ZNF714: variants seen among roughly 807,000 people sequenced by gnomAD.
ZNF714 encodes zinc finger protein 714.
ZNF714 carries 32 observed loss-of-function variants against 46.2 expected under a neutral mutation model. The ratio of observed to expected loss-of-function variants is 0.69; its 90% CI spans 0.52 to 0.93. The LOEUF (loss-of-function observed/expected upper bound fraction) is 0.93, where lower values mean the gene tolerates loss of function less well. Ranked by LOEUF, ZNF714 falls within the 40% of genes least tolerant of loss-of-function variation. ZNF714 has a pLI of 0.00. For missense variants in ZNF714, 635 were observed against 646.3 expected (o/e 0.98, Z 0.19); for synonymous variants, 199 against 213.1 (o/e 0.93, Z 0.58).
intron 2 of ZNF714, among the ~76,000 whole-genome samples, chr19:21,096,674 A>G (rs1345093549): frequency 6.6e-6 from 1 of 152,118 alleles, no homozygotes; most frequent in East Asian, 1.9e-4. Context: ...TGCCATATTA[A>G]AAGTGTTCCT....
intron 4 of ZNF714, among the ~76,000 whole-genome samples, chr19:21,103,677 A>G (rs1969241199): frequency 6.6e-6 from 1 of 152,162 alleles, no homozygotes; most frequent in Non-Finnish European, 1.5e-5. Flanking sequence ...TGGGAGGCCA[A>G]GACAGGAGTA....
At chr19:21,109,430 A>G (rs1969396017) in intron 4 of ZNF714, among the ~76,000 whole-genome samples, 2 of 152,096 alleles carry the variant, frequency 1.3e-5, no homozygotes. Context: ...CCTGTTGTCT[A>G]GGTTGGTCTC....
intron 4 of ZNF714, among the ~76,000 whole-genome samples, chr19:21,106,702 C>T (rs1969326113): frequency 6.6e-6 from 1 of 152,056 alleles, no homozygotes; most frequent in African/African-American, 2.4e-5. Flanking sequence ...TCGTGGCAAC[C>T]TTGTGGAAGA....
rs758429239 is a variant in ZNF714, at chr19:21,123,150, T to TC, written c.*4819dup. The TC allele has an allele frequency of 1.3e-4, 2 of 15,878 alleles. No individual in the cohort carries two copies. The highest frequency in any genetic ancestry group is 2.1e-4 in the African/African-American group (2 of 9,542). 1.0% of individuals were successfully genotyped at this position (15,878 alleles called of 1,614,324 possible). On this transcript the variant is annotated 3_prime_UTR_variant, in exon 5 of 5. Transcript: ENST00000456283. ...GCCTGGACAAGAGCAAAACTCTGTC[T>TC]CAAAAAAAAAAAAAAAAAAAGATTA...
At chr19:21,100,911 A>C (rs34441493) in intron 4 of ZNF714, among the ~76,000 whole-genome samples, 180 of 152,070 alleles carry the variant, frequency 1.2e-3, no homozygotes, top group Non-Finnish European at 1.9e-3. Flanking sequence ...GGGTTTCACT[A>C]TGTTGGCCAG....
In ZNF714 at chr19:21,110,402, C is replaced by T. The variant is rs532947773; in HGVS notation, c.143-6405C>T. ...GCCACATAAATGTCTTCTTTTGAGG[C>T]GTGTTTCTTCTTGTTCTTTGCTTAC... On this transcript the variant is annotated intron_variant, in intron 4 of 4. Transcript: ENST00000456283. 4.3e-4 allele frequency among the ~76,000 whole-genome samples: 65 copies of T among 151,914 alleles called. 1 individual carries two copies. The South Asian group carries it at 0.01, about 24-fold the overall frequency.
In ZNF714 at chr19:21,123,196, G is replaced by A. The variant is rs946294403; in HGVS notation, c.*4864G>A. 6.7e-6 allele frequency: 1 copy of A among 149,990 alleles called. No individual in the cohort carries two copies. The highest frequency in any genetic ancestry group is 2.4e-5 in the African/African-American group (1 of 40,990). The allele number at this position is 149,990 out of a possible 1,614,324, so 9.3% of individuals were successfully genotyped here. ...GATTAAAGGCGCACACTGTCCACAG[G>A]CAAGAGGATTAAATTAGCATTGCAT... On this transcript the variant is annotated 3_prime_UTR_variant, in exon 5 of 5. Transcript: ENST00000456283.
At position 21,119,157 on chromosome 19, in the gene ZNF714, C is replaced by G. The variant is rs201048780; in HGVS notation, c.*825C>G. On this transcript the variant is annotated 3_prime_UTR_variant, in exon 5 of 5. Transcript: ENST00000456283. ...TGGTGGCTCAGGCCTATAATCCCAG[C>G]ACTTTGGTAGGCCAAGGCAGGTGGA... is the stretch of plus-strand genomic sequence containing the variant. 56 of 445,040 alleles carry G rather than the reference C, an allele frequency of 1.3e-4. No homozygotes were observed. The East Asian group carries it at 3.8e-3, about 30-fold the overall frequency. The allele number at this position is 445,040 out of a possible 1,614,324, so 27.6% of individuals were successfully genotyped here. A position where few individuals can be genotyped will look rare whatever the true frequency, so the allele number is the denominator to read the frequency against.
Position 21,120,734 on chromosome 19 carries a change from A to G in ZNF714, c.*2402A>G, listed in dbSNP as rs997466500. 2.6e-5 allele frequency: 4 copies of G among 151,068 alleles called. No individual in the cohort carries two copies. Among genetic ancestry groups the G allele is most frequent in the African/African-American group, 4.8e-5 (2 of 41,338 alleles). 9.4% of individuals were successfully genotyped at this position (151,068 alleles called of 1,614,324 possible). Reference sequence around the variant, plus strand: ...AGGTAAAAGATGGTAACGATATACTATTTAGTAACATAATGGATTAACATC... The same window carrying G: ...AGGTAAAAGATGGTAACGATATACTGTTTAGTAACATAATGGATTAACATC... On this transcript the variant is annotated 3_prime_UTR_variant, in exon 5 of 5. Coordinates refer to ENST00000456283, the MANE Select transcript of ZNF714 (RefSeq NM_182515.4).
rs954869496 is a variant in ZNF714 at position 21,098,304 on chromosome 19, C to G, written c.36C>G (p.Val12=). ...NVMLENYKNL[V]FLAGIAVSKQ... is the part of the protein sequence containing the mutation. ...TGTTAGAGAACTACAAAAACCTGGT[C>G]TTCTTGGGTGAGAATAACTTTAATA... Residue 12 remains valine (V), a synonymous_variant, in exon 3 of 5, where the codon GTC becomes GTG. Transcript: ENST00000456283. 1.9e-6 allele frequency: 3 copies of G among 1,612,104 alleles called. No individual in the cohort carries two copies. Among genetic ancestry groups the G allele is most frequent in the African/African-American group, 2.7e-5 (2 of 74,774 alleles).
intron 3 of ZNF714, 77 bp from the exon 4 acceptor site, chr19:21,098,735 T>G: frequency 1.1e-6 from 1 of 876,406 alleles, no homozygotes; most frequent in Admixed American, 2.7e-5. Flanking sequence ...TTCTATTATA[T>G]CCTTTTTACT....
chr19:21,117,074 CAA>C lies in ZNF714; in HGVS notation c.411_412del (p.Arg138ThrfsTer10). The C allele has an allele frequency of 6.2e-7, 1 of 1,613,296 alleles. No homozygotes were observed. The highest frequency in any genetic ancestry group is 8.5e-7 in the Non-Finnish European group (1 of 1,179,506). Reference sequence around the variant, plus strand: ...ATTTTCAATTCAAATAGACACAAGACAAGACATACTGGAGAGAAACCTTTCAA... The same window carrying C: ...ATTTTCAATTCAAATAGACACAAGACGACATACTGGAGAGAAACCTTTCAA... On this transcript the variant is annotated frameshift_variant, in exon 5 of 5. Coordinates refer to ENST00000456283, the MANE Select transcript of ZNF714 (RefSeq NM_182515.4). LOFTEE classifies it high-confidence loss of function.
At chr19:21,094,803 C>T (rs553127413) in intron 2 of ZNF714, among the ~76,000 whole-genome samples, 10 of 152,150 alleles carry the variant, frequency 6.6e-5, no homozygotes, top group African/African-American at 1.7e-4. Context: ...CTGGGGTTAC[C>T]GCACCCAGCC....
intron 2 of ZNF714, among the ~76,000 whole-genome samples, chr19:21,091,933 C>T (rs1277954595): frequency 6.6e-6 from 1 of 152,116 alleles, no homozygotes; most frequent in Non-Finnish European, 1.5e-5. Context: ...GAATCAGGGT[C>T]TGTGCTGACT....
At chr19:21,108,402 A>G (rs1029249374) in intron 4 of ZNF714, among the ~76,000 whole-genome samples, 1 of 152,310 alleles carries the variant, frequency 6.6e-6, no homozygotes, top group African/African-American at 2.4e-5. Context: ...CTCATGCTGC[A>G]GTGTAATCCT....
intron 4 of ZNF714, among the ~76,000 whole-genome samples, chr19:21,100,111 C>A (rs1022654825): frequency 6.6e-5 from 10 of 152,126 alleles, no homozygotes; most frequent in Non-Finnish European, 1.5e-4. Flanking sequence ...ACCTTGGCCT[C>A]CCAAAGTGCT....
At chr19:21,088,255 G>T (rs184579490) in intron 2 of ZNF714, among the ~76,000 whole-genome samples, 143 of 152,186 alleles carry the variant, frequency 9.4e-4, no homozygotes, top group African/African-American at 3.3e-3. Context: ...AATATGTTTG[G>T]ACTCTCTGAT....
rs1243224607 is a variant in ZNF714 at position 21,082,272 on chromosome 19, GC to G, written c.-251del. ...TGTGTCCTCTGCTCGCAGAGGCCCA[GC>G]CTCTGTGGCCCTGTGACCTGCAGGT... On this transcript the variant is annotated 5_prime_UTR_variant, in exon 1 of 5. Coordinates refer to ENST00000456283, the MANE Select transcript of ZNF714 (RefSeq NM_182515.4). 1 of 1,408,686 alleles carries G rather than the reference GC, an allele frequency of 7.1e-7. No homozygotes were observed. Among genetic ancestry groups the G allele is most frequent in the African/African-American group, 1.4e-5 (1 of 71,034 alleles). The allele number at this position is 1,408,686 out of a possible 1,614,324, so 87.3% of individuals were successfully genotyped here.
In ZNF714 at chr19:21,082,212, T is replaced by A; in HGVS notation, c.-313T>A. On this transcript the variant is annotated 5_prime_UTR_variant, in exon 1 of 5. Transcript: ENST00000456283. ...ATGTGGCGGGGCCTTTGTCTCTCGC[T>A]GCAGCTGGAGCTGCAGGTCTCGCCT... 1.1e-6 allele frequency: 1 copy of A among 946,530 alleles called. No individual in the cohort carries two copies. Among genetic ancestry groups the A allele is most frequent in the Admixed American group, 2.2e-5 (1 of 45,642 alleles). The allele number at this position is 946,530 out of a possible 1,614,324, so 58.6% of individuals were successfully genotyped here. A position where few individuals can be genotyped will look rare whatever the true frequency, so the allele number is the denominator to read the frequency against.
Sources: allele counts gnomAD v4.1 joint callset (sites outside exome capture counted in the v4.1 genomes callset), GRCh38; gene constraint gnomAD v4.1.1; transcripts MANE v1.5; gene names NCBI Gene and HGNC (gene_info 2026-07-23, HGNC 2026-07-21).